Variants in CEP126 observed in about 807,000 individuals in gnomAD.
The protein encoded by CEP126 is centrosomal protein 126.
Under a neutral mutation model 107.8 loss-of-function variants are expected in CEP126, and 74 were observed. The observed-to-expected ratio is 0.69, with a 90% CI of 0.57 to 0.83. The LOEUF (loss-of-function observed/expected upper bound fraction) is 0.83, where lower values mean the gene tolerates loss of function less well. Ranked by LOEUF, CEP126 falls within the 40% of genes least tolerant of loss-of-function variation. The pLI is 0.00. For synonymous variants in CEP126, 449 were observed against 446.0 expected, an observed-to-expected ratio of 1.01 and a Z score of -0.08; for missense variants, 1,237 against 1,281.9, an observed-to-expected ratio of 0.96 and a Z score of 0.53.
intron 9 of CEP126, among the ~76,000 whole-genome samples, chr11:101,990,513 G>A (rs1036556566): frequency 2.6e-5 from 4 of 152,138 alleles, no homozygotes; most frequent in Non-Finnish European, 5.9e-5. Flanking sequence ...CCTACTGTTG[G>A]TGGGAGGGTC....
At chr11:101,932,694 G>A (rs933323209) in intron 2 of CEP126, among the ~76,000 whole-genome samples, 4 of 151,996 alleles carry the variant, frequency 2.6e-5, no homozygotes, top group Admixed American at 2.6e-4. Flanking sequence ...CGTATTTGGA[G>A]TTTTTTAGTT....
rs1032234194 is a variant in CEP126, at chr11:101,923,065, C to G, written c.248+305C>G. ...ATTATCTTCTTTTTTTGTATCATTT[C>G]ATGATTTCATGATGATTTTAAAATT... On this transcript the variant is annotated intron_variant, in intron 2 of 10. Coordinates refer to ENST00000263468, the MANE Select transcript of CEP126 (RefSeq NM_020802.4). Among the ~76,000 whole-genome samples, 58 of 152,154 alleles carry G rather than the reference C, an allele frequency of 3.8e-4. 1 individual carries two copies. The highest frequency in any genetic ancestry group is 1.3e-3 in the African/African-American group (56 of 41,530).
intron 10 of CEP126, among the ~76,000 whole-genome samples, chr11:101,993,731 T>A (rs964001859): frequency 4.6e-5 from 7 of 152,210 alleles, no homozygotes; most frequent in African/African-American, 1.2e-4. Flanking sequence ...TTTTTGACTT[T>A]TTAATAATAG....
chr11:101,954,636 T>TTATATATATA (rs766312807), intron 4 of CEP126, among the ~76,000 whole-genome samples: 2 of 151,106 alleles, frequency 1.3e-5, no homozygotes, highest in African/African-American at 4.9e-5. Flanking sequence ...GTGTGTATGT[T>TTATATATATA]TATATATACA....
At chr11:101,926,592 G>A (rs1399458613) in intron 2 of CEP126, among the ~76,000 whole-genome samples, 1 of 152,206 alleles carries the variant, frequency 6.6e-6, no homozygotes, top group Non-Finnish European at 1.5e-5. Context: ...AAAGAGTAAA[G>A]TAGAAAGCTG....
rs537803528 is a variant in CEP126, at chr11:101,926,207, C to A, written c.248+3447C>A. ...TCACTTACGAGATTCTATGGAAGCA[C>A]ATGCCATAGACTTAAAGGACAAGAA... is the stretch of plus-strand genomic sequence containing the variant. On this transcript the variant is annotated intron_variant, in intron 2 of 10. Transcript: ENST00000263468. 1.2e-4 allele frequency among the ~76,000 whole-genome samples: 18 copies of A among 152,196 alleles called. No individual in the cohort carries two copies. The South Asian group carries it at 3.3e-3, about 28-fold the overall frequency.
In CEP126 at chr11:102,000,947, T is replaced by C. The variant is rs1039522230; in HGVS notation, c.*3304T>C. ...TTTTGTGAAAACTGTACTGTATACA[T>C]ATATAAATATACACACACTTACATG... On this transcript the variant is annotated 3_prime_UTR_variant, in exon 11 of 11. Transcript: ENST00000263468. 2 of 152,216 alleles carry C rather than the reference T, an allele frequency of 1.3e-5. No homozygotes were observed. Among genetic ancestry groups the C allele is most frequent in the African/African-American group, 4.8e-5 (2 of 41,452 alleles). 9.4% of individuals were successfully genotyped at this position (152,216 alleles called of 1,614,324 possible).
At chr11:101,990,715 A>G (rs1941368877) in intron 9 of CEP126, among the ~76,000 whole-genome samples, 1 of 151,880 alleles carries the variant, frequency 6.6e-6, no homozygotes, top group African/African-American at 2.4e-5. Context: ...GAAATCTACT[A>G]CTGAGAGACA....
chr11:101,921,728 G>C (rs866334573), intron 1 of CEP126, among the ~76,000 whole-genome samples: 1 of 130,436 alleles, frequency 7.7e-6, no homozygotes, highest in Admixed American at 7.6e-5. Flanking sequence ...AAAAAAAACT[G>C]TGTAATGAAT....
At chr11:101,967,828 A>G (rs1017360527) in intron 6 of CEP126, among the ~76,000 whole-genome samples, 1 of 152,228 alleles carries the variant, frequency 6.6e-6, no homozygotes, top group Non-Finnish European at 1.5e-5. Flanking sequence ...AATGACAAAC[A>G]TCAAACTCGG....
intron 2 of CEP126, among the ~76,000 whole-genome samples, chr11:101,941,021 A>G (rs1039022925): frequency 6.6e-6 from 1 of 152,194 alleles, no homozygotes; most frequent in Admixed American, 6.5e-5. Context: ...GATTTTATCT[A>G]CTTGACACAT....
rs774335678 is a variant in CEP126 at position 101,948,048 on chromosome 11, C to A, written c.412C>A (p.Pro138Thr). ...RRKAVSRKPV[P>T]PLEEALKQIQ... ...CTCTTTAGTTTCCCGAAAACCAGTT[C>A]CTCCATTAGAAGAGGCCCTCAAACA... The change falls in exon 4 of 11, where the codon CCT becomes ACT. Residue 138 changes from proline to threonine, a missense_variant. Pro to Thr is a conservative substitution (Grantham distance 38). Transcript: ENST00000263468. 1.2e-6 allele frequency: 2 copies of A among 1,609,208 alleles called. No homozygotes were observed. Among genetic ancestry groups the A allele is most frequent in the Non-Finnish European group, 1.7e-6 (2 of 1,176,706 alleles).
chr11:101,996,747 G>A (rs1941445959), intron 10 of CEP126, among the ~76,000 whole-genome samples: 1 of 152,132 alleles, frequency 6.6e-6, no homozygotes, highest in African/African-American at 2.4e-5. Flanking sequence ...AAATGAAACA[G>A]ATTCAGGATG....
chr11:101,977,529 G>A (rs1019888328), intron 6 of CEP126, among the ~76,000 whole-genome samples: 3 of 150,916 alleles, frequency 2.0e-5, no homozygotes, highest in African/African-American at 7.3e-5. Flanking sequence ...TACTCAGGAG[G>A]CTGAGGCAGG....
At chr11:101,988,469 C>T (rs1051709170) in intron 9 of CEP126, among the ~76,000 whole-genome samples, 9 of 152,020 alleles carry the variant, frequency 5.9e-5, no homozygotes, top group African/African-American at 1.7e-4. Context: ...AAAGTGATAA[C>T]GGTTGACAAC....
chr11:101,925,740 A>G (rs1442525065), intron 2 of CEP126, among the ~76,000 whole-genome samples: 99 of 5,336 alleles, frequency 0.019, 1 homozygote, highest in African/African-American at 0.059. Context: ...CACTATCTCC[A>G]CCTCCTGGGT....
chr11:101,954,338 T>C (rs1343021384), intron 4 of CEP126, among the ~76,000 whole-genome samples: 1 of 152,178 alleles, frequency 6.6e-6, no homozygotes, highest in Non-Finnish European at 1.5e-5. Context: ...ATATTTTCAA[T>C]TTTTAAAAAC....
rs530912685 is a variant in CEP126, at chr11:101,988,337, T to A, written c.3244+1296T>A. Among the ~76,000 whole-genome samples the A allele has an allele frequency of 2.0e-5, 3 of 152,204 alleles. No individual in the cohort carries two copies. In the East Asian group the frequency reaches 5.8e-4, roughly 29 times the overall value. ...TGAACAGAGAATTAGTAAACTAGAT[T>A]ATGAATCAAAGAAATTTATCCACAG... On this transcript the variant is annotated intron_variant, in intron 9 of 10. Transcript: ENST00000263468.
Position 101,948,016 on chromosome 11 carries a change from T to C in CEP126, c.395-15T>C. ...AAAGTGATTCTGTACTGTTCGGTCT[T>C]TATTATCTCTTTAGTTTCCCGAAAA... On this transcript the variant is annotated splice_polypyrimidine_tract_variant and intron_variant, in intron 3 of 10. Transcript: ENST00000263468. 6.7e-7 allele frequency: 1 copy of C among 1,499,186 alleles called. No homozygotes were observed. Among genetic ancestry groups the C allele is most frequent in the Non-Finnish European group, 9.3e-7 (1 of 1,078,316 alleles). 92.9% of individuals were successfully genotyped at this position (1,499,186 alleles called of 1,614,324 possible).
Sources: allele counts gnomAD v4.1 joint callset (sites outside exome capture counted in the v4.1 genomes callset), GRCh38; gene constraint gnomAD v4.1.1; transcripts MANE v1.5; gene names NCBI Gene and HGNC (gene_info 2026-07-23, HGNC 2026-07-21).